TBXAS1: variants seen among roughly 807,000 people sequenced by gnomAD.
TBXAS1 encodes the protein thromboxane A synthase 1.
Under a neutral mutation model 60.7 loss-of-function variants are expected in TBXAS1, and 48 were observed. The observed-to-expected ratio is 0.79, with a 90% CI of 0.63 to 1.01. The LOEUF is 1.01. TBXAS1 is among the 50% of genes least tolerant of loss of function. The probability of loss-of-function intolerance (pLI) is 0.00; values close to 1 mark genes in which losing one functional copy is unlikely to be tolerated. For synonymous variants in TBXAS1, 287 were observed against 269.7 expected (o/e 1.06, Z -0.63); for missense variants, 685 against 686.3 (o/e 1.00, Z 0.02).
chr7:139,948,122 C>G (rs1458514581), intron 5 of TBXAS1, among the ~76,000 whole-genome samples: 2 of 152,306 alleles, frequency 1.3e-5, no homozygotes, highest in East Asian at 3.9e-4. Flanking sequence ...GCCTTGGCCT[C>G]CCAAAGTGCT....
chr7:139,978,357 A>G (rs1441240031), intron 9 of TBXAS1, among the ~76,000 whole-genome samples: 2 of 151,922 alleles, frequency 1.3e-5, no homozygotes, highest in African/African-American at 4.8e-5. Flanking sequence ...TAAAAATACA[A>G]CAATTAGCCG....
intron 9 of TBXAS1, chr7:139,962,871 T>C (rs1007741733): frequency 1.3e-5 from 2 of 153,920 alleles, no homozygotes; most frequent in African/African-American, 2.4e-5. Flanking sequence ...TGTATAACTT[T>C]GACTCATGAG....
intron 1 of TBXAS1, among the ~76,000 whole-genome samples, chr7:139,855,477 A>G (rs1800517022): frequency 6.6e-6 from 1 of 151,968 alleles, no homozygotes; most frequent in Non-Finnish European, 1.5e-5. Context: ...GGTGAAGGTC[A>G]AGCAGAGTGG....
chr7:139,941,130 T>C (rs772690715), intron 5 of TBXAS1, among the ~76,000 whole-genome samples: 2 of 152,228 alleles, frequency 1.3e-5, no homozygotes, highest in Non-Finnish European at 2.9e-5. Context: ...AGCTTTGAAA[T>C]ACCAGCATCT....
At chr7:139,959,950 G>A (rs1371994447) in intron 8 of TBXAS1, among the ~76,000 whole-genome samples, 1 of 152,112 alleles carries the variant, frequency 6.6e-6, no homozygotes, top group African/African-American at 2.4e-5. Flanking sequence ...GCCAGCAGTG[G>A]GACCACACCA....
At chr7:139,858,588 C>T (rs764554154) in intron 1 of TBXAS1, among the ~76,000 whole-genome samples, 9 of 152,182 alleles carry the variant, frequency 5.9e-5, no homozygotes, top group Non-Finnish European at 1.2e-4. Context: ...AGAGCAAGGG[C>T]ATGTAGGCAT....
chr7:139,989,040 C>T (rs893100052), intron 9 of TBXAS1, among the ~76,000 whole-genome samples: 1 of 152,300 alleles, frequency 6.6e-6, no homozygotes, highest in African/African-American at 2.4e-5. Context: ...AGGGAGGCAG[C>T]GCATTGCAGG....
At chr7:139,952,406 G>C in intron 5 of TBXAS1, 4 of 1,077,756 alleles carry the variant, frequency 3.7e-6, no homozygotes, top group Non-Finnish European at 5.1e-6. Flanking sequence ...ATATTCTAGT[G>C]TGAAAATCAT....
At chr7:139,970,992 A>G (rs2117442506) in intron 9 of TBXAS1, among the ~76,000 whole-genome samples, 1 of 152,260 alleles carries the variant, frequency 6.6e-6, no homozygotes, top group East Asian at 1.9e-4. Context: ...GTGGGAGGCC[A>G]TGCCAAACAA....
intron 4 of TBXAS1, among the ~76,000 whole-genome samples, chr7:139,791,700 G>T (rs1193846562): frequency 1.3e-5 from 2 of 152,080 alleles, no homozygotes; most frequent in African/African-American, 4.8e-5. Context: ...GGTGCAGGCG[G>T]CTGTATAACC....
intron 5 of TBXAS1, chr7:139,952,460 G>T: frequency 7.1e-7 from 1 of 1,406,522 alleles, no homozygotes; most frequent in Non-Finnish European, 9.4e-7. Flanking sequence ...CATGAGAAAT[G>T]CTCAGAATGA....
chr7:139,916,812 C>T lies in TBXAS1; in HGVS notation c.333+5491C>T, dbSNP rs370073378. ...AATTCAGGGCTACAGGTGAGTCAGA[C>T]GCCCTTGTGCGGGGGCCACAGGGAC... On this transcript the variant is annotated intron_variant, in intron 4 of 12. Transcript: ENST00000448866. The surrounding 1 kb of genome is among the most constrained non-coding windows in gnomAD (Gnocchi z 4.2). Among the ~76,000 whole-genome samples the T allele has an allele frequency of 1.2e-4, 19 of 152,348 alleles. No homozygotes were observed. Among genetic ancestry groups the T allele is most frequent in the African/African-American group, 3.8e-4 (16 of 41,588 alleles).
chr7:139,860,776 G>A (rs903417638), intron 1 of TBXAS1, among the ~76,000 whole-genome samples: 2 of 152,200 alleles, frequency 1.3e-5, no homozygotes, highest in Non-Finnish European at 2.9e-5. Flanking sequence ...CTCCAGAGCT[G>A]TCAGAGAATA....
At chr7:139,846,045 C>A (rs762977862) in intron 1 of TBXAS1, among the ~76,000 whole-genome samples, 2 of 151,900 alleles carry the variant, frequency 1.3e-5, no homozygotes, top group African/African-American at 4.8e-5. Flanking sequence ...AGGCTGGGAA[C>A]TCTGGATCTT....
intron 9 of TBXAS1, among the ~76,000 whole-genome samples, chr7:139,983,341 A>G (rs573792077): frequency 1.3e-4 from 20 of 152,350 alleles, no homozygotes; most frequent in African/African-American, 4.3e-4. Context: ...AAAACATAAG[A>G]AAAACTATTA....
chr7:139,965,521 G>A (rs1041651227), intron 9 of TBXAS1, among the ~76,000 whole-genome samples: 1 of 152,000 alleles, frequency 6.6e-6, no homozygotes, highest in Non-Finnish European at 1.5e-5. Context: ...AGCAAACTCC[G>A]CCGCCTAAGG....
At chr7:139,908,704 A>T (rs909057138) in intron 3 of TBXAS1, among the ~76,000 whole-genome samples, 3 of 152,140 alleles carry the variant, frequency 2.0e-5, no homozygotes, top group African/African-American at 7.2e-5. Context: ...TTCAACCATC[A>T]AGAATGATTT....
At chr7:139,821,162 G>A (rs1798284372) in intron 4 of TBXAS1, among the ~76,000 whole-genome samples, 1 of 152,232 alleles carries the variant, frequency 6.6e-6, no homozygotes, top group Non-Finnish European at 1.5e-5. Context: ...ATGATCCCAA[G>A]TTTCTGGCTT....
intron 5 of TBXAS1, among the ~76,000 whole-genome samples, chr7:139,937,932 T>C (rs2158668): frequency 0.69 from 97,849 of 142,274 alleles, 32,909 homozygotes; most frequent in East Asian, 0.76. Flanking sequence ...AGCTGGGGGG[T>C]GGGGGAGGGT....
Sources: gnomAD v4.1 joint callset for allele counts (sites outside exome capture counted in the v4.1 genomes callset) on GRCh38, gnomAD v4.1.1 for gene constraint, Gnocchi (gnomAD v3.1) non-coding constraint, MANE v1.5 for transcripts, NCBI Gene and HGNC (gene_info 2026-07-23, HGNC 2026-07-21) for gene names.